Variants in PIGN observed in about 807,000 individuals in gnomAD.
The protein encoded by PIGN is phosphatidylinositol glycan anchor biosynthesis class N.
PIGN carries 117 observed loss-of-function variants against 125.4 expected under a neutral mutation model. The ratio of observed to expected loss-of-function variants is 0.93; its 90% CI spans 0.80 to 1.09. The LOEUF (loss-of-function observed/expected upper bound fraction) is 1.09. PIGN is among the 50% of genes least tolerant of loss of function. The pLI is 0.00. For missense variants in PIGN, 1,075 were observed against 1,094.9 expected, an observed-to-expected ratio of 0.98 and a Z score of 0.26; for synonymous variants, 392 against 377.8, an observed-to-expected ratio of 1.04 and a Z score of -0.44.
chr18:62,063,293 C>A (rs903625045), intron 30 of PIGN, among the ~76,000 whole-genome samples: 35 of 137,336 alleles, frequency 2.5e-4, no homozygotes, highest in African/African-American at 4.1e-4. Context: ...TAGATTTTAG[C>A]CAAAATCTAT....
At chr18:62,032,080 T>C (rs1489268271) in intron 23 of PIGN, among the ~76,000 whole-genome samples, 3 of 152,192 alleles carry the variant, frequency 2.0e-5, no homozygotes, top group Admixed American at 6.5e-5. Context: ...CTGTTCCTTT[T>C]AAGGACTTTT....
intron 11 of PIGN, among the ~76,000 whole-genome samples, chr18:62,141,370 T>C (rs1441285620): frequency 6.6e-6 from 1 of 152,248 alleles, no homozygotes; most frequent in East Asian, 1.9e-4. Flanking sequence ...GCTACAATTG[T>C]TGCTGGCATT....
Position 62,146,852 on chromosome 18 carries a change from T to C in PIGN, c.805+119A>G, listed in dbSNP as rs79434376. On this transcript the variant is annotated intron_variant, in intron 9 of 30. Transcript: ENST00000640252. ...GGCTAACATTTTAAGCACAGAATTATGTGCTAGACATTTTGTATACAGCAA... is the reference window on the plus strand; with the variant it reads ...GGCTAACATTTTAAGCACAGAATTACGTGCTAGACATTTTGTATACAGCAA... 0.017 allele frequency: 15,257 copies of C among 918,416 alleles called. 330 individuals carry two copies. The highest frequency in any genetic ancestry group is 0.062 in the Middle Eastern group (244 of 3,920). 56.9% of individuals were successfully genotyped at this position (918,416 alleles called of 1,614,324 possible).
At chr18:62,050,475 G>A (rs964148010) in intron 30 of PIGN, among the ~76,000 whole-genome samples, 4 of 152,068 alleles carry the variant, frequency 2.6e-5, no homozygotes, top group African/African-American at 9.7e-5. Context: ...GTGAATGGGA[G>A]TTCACTCATG....
intron 30 of PIGN, among the ~76,000 whole-genome samples, chr18:62,066,641 G>C (rs774831316): frequency 5.9e-5 from 9 of 152,066 alleles, no homozygotes; most frequent in Non-Finnish European, 8.8e-5. Flanking sequence ...TCAGGACTCC[G>C]ATCTCAGATA....
At chr18:62,105,300 G>A (rs2034591761) in intron 20 of PIGN, 1 of 281,024 alleles carries the variant, frequency 3.6e-6, no homozygotes, top group East Asian at 6.5e-5. Flanking sequence ...AAAAAAATGG[G>A]CGGGATTTTA....
intron 24 of PIGN, among the ~76,000 whole-genome samples, chr18:62,090,080 T>C (rs374912585): frequency 2.0e-5 from 3 of 152,266 alleles, no homozygotes; most frequent in South Asian, 4.1e-4. Context: ...AAATGTCACC[T>C]TATAATAAAA....
At chr18:62,117,233 G>A (rs998276278) in intron 14 of PIGN, among the ~76,000 whole-genome samples, 1 of 151,794 alleles carries the variant, frequency 6.6e-6, no homozygotes, top group Admixed American at 6.6e-5. Context: ...AATTGAGAGG[G>A]GATATAAAGT....
At position 62,161,303 on chromosome 18, in the gene PIGN, G is replaced by C. The variant is rs370228697; in HGVS notation, c.51C>G (p.Ala17=). The C allele has an allele frequency of 1.2e-6, 2 of 1,613,480 alleles. No individual in the cohort carries two copies. Among genetic ancestry groups the C allele is most frequent in the Non-Finnish European group, 1.7e-6 (2 of 1,179,730 alleles). The part of the protein sequence containing the change: ...LGLLIHFVFF[A]SIFDIYFTSP... The stretch of plus-strand genomic sequence containing the variant: ...ATGTAAAATAAATGTCAAAGATGGA[G>C]GCGAAGAACACAAAATGTATAAGCA... Residue 17 remains alanine (A), a synonymous_variant, in exon 4 of 31, where the codon GCC becomes GCG. Coordinates refer to ENST00000640252, the MANE Select transcript of PIGN (RefSeq NM_176787.5).
intron 28 of PIGN, among the ~76,000 whole-genome samples, chr18:62,082,138 C>T (rs1179599643): frequency 3.3e-5 from 5 of 152,066 alleles, no homozygotes; most frequent in African/African-American, 1.2e-4. Flanking sequence ...TTGCTTAAGA[C>T]GGACTGCTCC....
chr18:62,026,969 G>A (rs2030131188), intron 23 of PIGN, among the ~76,000 whole-genome samples: 1 of 152,290 alleles, frequency 6.6e-6, no homozygotes, highest in Non-Finnish European at 1.5e-5. Context: ...TTAAGAGGCC[G>A]AGGCAGGTGG....
At chr18:62,177,623 C>T (rs537181600) in intron 1 of PIGN, among the ~76,000 whole-genome samples, 6 of 152,106 alleles carry the variant, frequency 3.9e-5, no homozygotes, top group Non-Finnish European at 8.8e-5. Flanking sequence ...ATTTATATTT[C>T]GAATATTATA....
At chr18:62,071,909 T>A (rs1445459389) in intron 30 of PIGN, among the ~76,000 whole-genome samples, 4 of 99,702 alleles carry the variant, frequency 4.0e-5, no homozygotes, top group Admixed American at 1.0e-4. Flanking sequence ...TATATATATA[T>A]AAATTTAACT....
intron 1 of PIGN, among the ~76,000 whole-genome samples, chr18:62,167,282 ATATATGTG>A (rs1263187276): frequency 8.3e-5 from 11 of 132,840 alleles, no homozygotes; most frequent in African/African-American, 4.0e-4. Context: ...ATATAGAGAT[ATATATGTG>A]TGTGTGTGTG....
intron 1 of PIGN, among the ~76,000 whole-genome samples, chr18:62,167,286 ATGTGTGTGTGTGTGTGTGTGTGTGTG>A (rs61310777): frequency 2.2e-5 from 3 of 139,398 alleles, no homozygotes; most frequent in East Asian, 4.1e-4. Context: ...AGAGATATAT[ATGTGTGTGTGTGTGTGTGTGTGTGTG>A]TGTGTGTGTG....
intron 1 of PIGN, among the ~76,000 whole-genome samples, chr18:62,164,928 G>C (rs1193612720): frequency 6.6e-6 from 1 of 152,076 alleles, no homozygotes; most frequent in African/African-American, 2.4e-5. Flanking sequence ...GTTGATAATC[G>C]AGTTATACTT....
Position 62,138,039 on chromosome 18 carries a change from C to A in PIGN, c.1172+204G>T, listed in dbSNP as rs112469363. ...CTCATGTATCTCTCCATTCCCTCAT[C>A]CCTCTTCCAGCCATTCAAAGTTATC... On this transcript the variant is annotated intron_variant, in intron 14 of 30. Transcript: ENST00000640252. The A allele has an allele frequency of 0.011, 6,977 of 631,760 alleles. 391 individuals are homozygous for A. In the African/African-American group the frequency reaches 0.12, roughly 11 times the overall value. The allele number at this position is 631,760 out of a possible 1,614,324, so 39.1% of individuals were successfully genotyped here.
chr18:62,055,457 G>A (rs2145241254), intron 30 of PIGN, among the ~76,000 whole-genome samples: 1 of 152,190 alleles, frequency 6.6e-6, no homozygotes, highest in Middle Eastern at 3.4e-3. Flanking sequence ...CTACAGAAAT[G>A]GAAAACATTA....
chr18:62,155,556 C>G (rs2147478845), intron 6 of PIGN, among the ~76,000 whole-genome samples: 1 of 151,902 alleles, frequency 6.6e-6, no homozygotes, highest in Middle Eastern at 3.4e-3. Context: ...GCAACAAGGG[C>G]AAAACTCCGT....
Sources: allele counts gnomAD v4.1 joint callset (sites outside exome capture counted in the v4.1 genomes callset), GRCh38; gene constraint gnomAD v4.1.1; transcripts MANE v1.5; gene names NCBI Gene and HGNC (gene_info 2026-07-23, HGNC 2026-07-21).